Variants in HERC1 observed in about 807,000 individuals in gnomAD.
HERC1 encodes the protein HECT and RLD domain containing E3 ubiquitin protein ligase family member 1.
A neutral mutation model predicts 554.3 loss-of-function variants in HERC1; 160 were observed. The observed-to-expected ratio is 0.29, with a 90% confidence interval of 0.25 to 0.33. The LOEUF is 0.33. HERC1 is among the 10% of genes least tolerant of loss of function. HERC1 has a pLI of 1.00. For synonymous variants in HERC1, 2,175 were observed against 2,131.7 expected (o/e 1.02, Z -0.56); for missense variants, 4,919 against 5,918.5 (o/e 0.83, Z 5.54).
chr15:63,675,103 C>G lies in HERC1; in HGVS notation c.7085G>C (p.Trp2362Ser). ...ATACAATGGAGTATCACTAGGCGAC[C>G]AAAAAGTTGGGAAGCTTTAATAAAG... ...AEITISFPTF[W>S]SPSDTPLYNL... Residue 2362 changes from tryptophan to serine, a missense_variant, in exon 38 of 78, where the codon TGG becomes TCG. Trp to Ser is a radical substitution (Grantham distance 177, BLOSUM62 -3). Transcript: ENST00000443617. 7 of 1,581,782 alleles carry G rather than the reference C, an allele frequency of 4.4e-6. No individual in the cohort carries two copies. Among genetic ancestry groups the G allele is most frequent in the Non-Finnish European group, 6.0e-6 (7 of 1,162,522 alleles).
chr15:63,739,507 T>C (rs910811606), intron 12 of HERC1, among the ~76,000 whole-genome samples: 5 of 151,790 alleles, frequency 3.3e-5, no homozygotes, highest in Admixed American at 3.3e-4. Context: ...CACTAAGGTA[T>C]TGCTATGGAC....
At chr15:63,629,461 C>T (rs1231778227) in intron 69 of HERC1, among the ~76,000 whole-genome samples, 1 of 152,200 alleles carries the variant, frequency 6.6e-6, no homozygotes, top group Admixed American at 6.5e-5. Context: ...TTAAAACACA[C>T]TGATTTCTGT....
At chr15:63,624,019 C>G in intron 72 of HERC1, 129 bp from the exon 73 acceptor site, 14 of 1,240,176 alleles carry the variant, frequency 1.1e-5, no homozygotes, top group Non-Finnish European at 1.6e-5. Context: ...CCCACTGTAA[C>G]CACACCAGGT....
chr15:63,737,524 T>TATATACATATATATATCTTTTTTCCAG lies in HERC1; in HGVS notation c.2521-2676_2521-2675insCTGGAAAAAAGATATATATATGTATAT, dbSNP rs2074589686. Among the ~76,000 whole-genome samples, 2 of 26,140 alleles carry TATATACATATATATATCTTTTTTCCAG rather than the reference T, an allele frequency of 7.7e-5. 1 individual carries two copies. Among genetic ancestry groups the TATATACATATATATATCTTTTTTCCAG allele is most frequent in the Non-Finnish European group, 2.4e-4 (2 of 8,416 alleles). The allele number at this position is 26,140 out of a possible 152,430, so 17.1% of individuals were successfully genotyped here. ...TATATATCTTTTTTCCAGATATATA[T>TATATACATATATATATCTTTTTTCCAG]ATATATATATATATATATATATATC... On this transcript the variant is annotated intron_variant, in intron 12 of 77. Transcript: ENST00000443617.
chr15:63,731,733 A>C (rs1201771990), intron 14 of HERC1, among the ~76,000 whole-genome samples: 2 of 152,214 alleles, frequency 1.3e-5, no homozygotes, highest in Non-Finnish European at 2.9e-5. Flanking sequence ...ACAGGAAACA[A>C]TATTAATTGA....
intron 12 of HERC1, among the ~76,000 whole-genome samples, chr15:63,735,630 T>C (rs1251378605): frequency 2.0e-5 from 3 of 152,118 alleles, no homozygotes; most frequent in African/African-American, 7.2e-5. Flanking sequence ...AGGAGCTGCA[T>C]TATCTTAGGC....
At chr15:63,789,801 A>AAAATAAATAAATAAATAAATAAATAAAT (rs10527229) in intron 1 of HERC1, among the ~76,000 whole-genome samples, 1 of 139,086 alleles carries the variant, frequency 7.2e-6, no homozygotes, top group Non-Finnish European at 1.5e-5. Flanking sequence ...GCCCTGTCTC[A>AAAATAAATAAATAAATAAATAAATAAAT]AAATAAATAA....
intron 2 of HERC1, among the ~76,000 whole-genome samples, chr15:63,767,086 C>T (rs1403011672): frequency 6.6e-6 from 1 of 151,864 alleles, no homozygotes; most frequent in African/African-American, 2.4e-5. Context: ...ACTGCAACCT[C>T]CACCTTCCGG....
intron 25 of HERC1, among the ~76,000 whole-genome samples, chr15:63,702,210 C>T (rs1440970437): frequency 6.6e-6 from 1 of 152,062 alleles, no homozygotes; most frequent in East Asian, 1.9e-4. Context: ...TACACTACCA[C>T]ACGAGAATCA....
intron 37 of HERC1, chr15:63,675,319 A>G (rs974894459): frequency 3.3e-5 from 16 of 486,206 alleles, no homozygotes; most frequent in Non-Finnish European, 5.7e-5. Context: ...TAAATGCAGA[A>G]GCAATGAGAT....
chr15:63,695,998 T>C (rs1311497381), intron 27 of HERC1, 126 bp downstream of exon 27: 1 of 666,904 alleles, frequency 1.5e-6, no homozygotes, highest in Non-Finnish European at 2.6e-6. Context: ...ACCAAGGAGC[T>C]ATCTTAAAAA....
At chr15:63,641,703 A>T in intron 59 of HERC1, 60 bp from the exon 60 acceptor site, 1 of 1,385,042 alleles carries the variant, frequency 7.2e-7, no homozygotes, top group Non-Finnish European at 9.7e-7. Flanking sequence ...TAATGCTATC[A>T]CCATTTAATC....
intron 16 of HERC1, 125 bp downstream of exon 16, chr15:63,729,111 T>C: frequency 1.1e-6 from 1 of 890,130 alleles, no homozygotes; most frequent in Non-Finnish European, 1.7e-6. Context: ...TAAAGGAATC[T>C]TCAATAGAAG....
intron 1 of HERC1, among the ~76,000 whole-genome samples, chr15:63,777,958 G>A (rs2076162332): frequency 6.6e-6 from 1 of 152,110 alleles, no homozygotes; most frequent in African/African-American, 2.4e-5. Context: ...CAGGTAGAAG[G>A]CTAGTTATAC....
chr15:63,717,179 G>C (rs1005138432), intron 21 of HERC1, among the ~76,000 whole-genome samples: 1 of 152,192 alleles, frequency 6.6e-6, no homozygotes, highest in South Asian at 2.1e-4. Flanking sequence ...CTTTTACAGA[G>C]ATGGGGATAC....
rs183036638 is a variant in HERC1, at chr15:63,747,677, C to T, written c.2354+47G>A. ...AATAATTTATACACATGCACACACG[C>T]GCGCGCACACACACACACAAAGATA... On this transcript the variant is annotated intron_variant, in intron 11 of 77. Transcript: ENST00000443617. 4.7e-3 allele frequency: 5,361 copies of T among 1,130,040 alleles called. 183 individuals are homozygous for T. In the African/African-American group the frequency reaches 0.072, roughly 15 times the overall value. 70.0% of individuals were successfully genotyped at this position (1,130,040 alleles called of 1,614,324 possible).
rs2074100512 is a variant in HERC1 at position 63,727,844 on chromosome 15, A to C, written c.3155-6T>G. 6.2e-7 allele frequency: 1 copy of C among 1,606,844 alleles called. No individual in the cohort carries two copies. Among genetic ancestry groups the C allele is most frequent in the East Asian group, 2.2e-5 (1 of 44,836 alleles). On this transcript the variant is annotated splice_region_variant and splice_polypyrimidine_tract_variant and intron_variant, in intron 16 of 77. Coordinates refer to ENST00000443617, the MANE Select transcript of HERC1 (RefSeq NM_003922.4). The surrounding 1 kb of genome is among the most constrained non-coding windows in gnomAD (Gnocchi z 4.3). ...AGCTGAGACGTATATCACATCTATGAAGGGCAAGAAATTAAACATGGGACA... is the reference window on the plus strand; with the variant it reads ...AGCTGAGACGTATATCACATCTATGCAGGGCAAGAAATTAAACATGGGACA...
At position 63,758,313 on chromosome 15, in the gene HERC1, C is replaced by T; in HGVS notation, c.1083G>A (p.Gln361=). 6.2e-7 allele frequency: 1 copy of T among 1,613,078 alleles called. No individual in the cohort carries two copies. Among genetic ancestry groups the T allele is most frequent in the Non-Finnish European group, 8.5e-7 (1 of 1,179,160 alleles). Residue 361 remains glutamine, a synonymous_variant, in exon 4 of 78, where the codon CAG becomes CAA. Transcript: ENST00000443617. This position sits in a 1 kb window ranked among gnomAD's most constrained non-coding sequence, Gnocchi z 4.0. ...CGGAGACAATGGGAGCATCACCAGTCTGAATGCTATCTGGGCTAGCACATG... is the reference window on the plus strand; with the variant it reads ...CGGAGACAATGGGAGCATCACCAGTTTGAATGCTATCTGGGCTAGCACATG... ...SRTCASPDSI[Q]TGDAPIVSET... is the part of the protein sequence containing the mutation.
chr15:63,731,630 T>C (rs2074296442), intron 14 of HERC1, among the ~76,000 whole-genome samples: 1 of 152,224 alleles, frequency 6.6e-6, no homozygotes, highest in Admixed American at 6.5e-5. Context: ...ATGTTCACTC[T>C]GACTTAGTGA....
Sources: allele counts gnomAD v4.1 joint callset (sites outside exome capture counted in the v4.1 genomes callset), GRCh38; gene constraint gnomAD v4.1.1; non-coding constraint Gnocchi (gnomAD v3.1); transcripts MANE v1.5; gene names NCBI Gene and HGNC (gene_info 2026-07-23, HGNC 2026-07-21).